ZNF518A: variants seen among roughly 807,000 people sequenced by gnomAD.
The protein encoded by ZNF518A is zinc finger protein 518A.
In ZNF518A, 47 loss-of-function variants were observed where a neutral mutation model predicts 102.7. The ratio of observed to expected loss-of-function variants is 0.46; its 90% CI spans 0.36 to 0.58. The LOEUF (loss-of-function observed/expected upper bound fraction) is 0.58. Ranked by LOEUF, ZNF518A falls within the 20% of genes least tolerant of loss-of-function variation. The probability of loss-of-function intolerance (pLI) is 0.00; values close to 1 mark genes in which losing one functional copy is unlikely to be tolerated. For synonymous variants in ZNF518A, 652 were observed against 594.6 expected (o/e 1.10, Z -1.40); for missense variants, 1,793 against 1,699.8 (o/e 1.05, Z -0.96).
chr10:96,178,648 A>G (rs1190318161), intron 1 of ZNF518A, among the ~76,000 whole-genome samples: 2 of 152,062 alleles, frequency 1.3e-5, no homozygotes. Context: ...AATAGGGAAA[A>G]TTAATGAAAT....
At chr10:96,155,282 T>G (rs1554881808) in intron 3 of ZNF518A, 44 bp from the exon 4 acceptor site, 1 of 152,178 alleles carries the variant, frequency 6.6e-6, no homozygotes, top group African/African-American at 2.4e-5. Context: ...AACAACCTTG[T>G]GAAAGACATA....
chr10:96,142,945 T>C (rs782241366), intron 3 of ZNF518A, among the ~76,000 whole-genome samples: 1 of 152,106 alleles, frequency 6.6e-6, no homozygotes, highest in Non-Finnish European at 1.5e-5. Context: ...TAGCTGGGAT[T>C]ACAGGCACCC....
At chr10:96,188,074 T>C (rs915328765) in intron 1 of ZNF518A, among the ~76,000 whole-genome samples, 32 of 152,178 alleles carry the variant, frequency 2.1e-4, no homozygotes, top group Admixed American at 2.1e-3. Context: ...GGTCTTGAAC[T>C]CCTGGCCTCA....
At chr10:96,199,912 T>C in intron 1 of ZNF518A, 1 of 358,736 alleles carries the variant, frequency 2.8e-6, no homozygotes, top group Non-Finnish European at 4.8e-6. Context: ...TAATCCCAGC[T>C]GCTTGGGAGG....
chr10:96,187,477 T>C (rs1304647242), intron 1 of ZNF518A, among the ~76,000 whole-genome samples: 1 of 152,236 alleles, frequency 6.6e-6, no homozygotes, highest in Non-Finnish European at 1.5e-5. Context: ...GACTTTCTTT[T>C]AGGCAAGACT....
At chr10:96,152,006 A>G (rs938007747) in intron 3 of ZNF518A, among the ~76,000 whole-genome samples, 1 of 152,254 alleles carries the variant, frequency 6.6e-6, no homozygotes, top group African/African-American at 2.4e-5. Flanking sequence ...TAGTTTAAAT[A>G]GCACATTTAA....
chr10:96,144,342 A>G (rs1219766943), intron 3 of ZNF518A, among the ~76,000 whole-genome samples: 1 of 152,184 alleles, frequency 6.6e-6, no homozygotes, highest in Admixed American at 6.5e-5. Flanking sequence ...TACTGTTCCA[A>G]GTCAATTCAG....
intron 1 of ZNF518A, among the ~76,000 whole-genome samples, chr10:96,181,974 G>A (rs1432607256): frequency 1.3e-5 from 2 of 152,184 alleles, no homozygotes; most frequent in Non-Finnish European, 2.9e-5. Flanking sequence ...TGTGAGCATG[G>A]AATGTTCTTC....
At position 96,157,325 on chromosome 10, in the gene ZNF518A, A is replaced by G. The variant is rs782637457; in HGVS notation, c.1003A>G (p.Ser335Gly). ...GTTCTGGAAACGTAAGAAAATTAACAGTGGAAGTGACAGAAGTATAGAAAA... is the reference window on the plus strand; with the variant it reads ...GTTCTGGAAACGTAAGAAAATTAACGGTGGAAGTGACAGAAGTATAGAAAA... ...KTFWKRKKIN[S>G]GSDRSIEKNT... The change falls in exon 6 of 6, where the codon AGT becomes GGT. Residue 335 changes from serine to glycine, a missense_variant. By Grantham distance (56) the Ser-to-Gly change is moderately conservative. Around this residue, in one of 3 missense-constraint regions of ZNF518A, gnomAD observed 1,741 missense variants for 1,622.6 expected, o/e 1.07. Coordinates refer to ENST00000316045, the MANE Select transcript of ZNF518A (RefSeq NM_001330736.2). 2.5e-6 allele frequency: 4 copies of G among 1,611,634 alleles called. No individual in the cohort carries two copies. Among genetic ancestry groups the G allele is most frequent in the East Asian group, 4.5e-5 (2 of 44,848 alleles).
intron 1 of ZNF518A, among the ~76,000 whole-genome samples, chr10:96,193,758 A>G (rs2083387876): frequency 6.6e-6 from 1 of 152,210 alleles, no homozygotes; most frequent in Non-Finnish European, 1.5e-5. Flanking sequence ...TGTATCACAC[A>G]GTGCCAAAAT....
rs782472180 is a variant in ZNF518A at position 96,159,722 on chromosome 10, A to G, written c.3400A>G (p.Lys1134Glu). 4 of 1,613,154 alleles carry G rather than the reference A, an allele frequency of 2.5e-6. No homozygotes were observed. In the African/African-American group the frequency reaches 4.0e-5, roughly 16 times the overall value. ...QNSTYQNIQP[K>E]KPEGTPQRIL... ...TAGTACTTATCAAAATATACAGCCA[A>G]AGAAACCTGAAGGAACACCACAAAG... is the stretch of plus-strand genomic sequence containing the variant. Residue 1134 changes from lysine (K) to glutamate (E), a missense_variant, in exon 6 of 6, where the codon AAG becomes GAG. By Grantham distance (56) the Lys-to-Glu change is moderately conservative (BLOSUM62 1). Transcript: ENST00000316045.
At chr10:96,175,092 G>T (rs2083195416) in intron 1 of ZNF518A, among the ~76,000 whole-genome samples, 1 of 152,098 alleles carries the variant, frequency 6.6e-6, no homozygotes. Context: ...ATAACTGTGG[G>T]AAATAAATGC....
chr10:96,179,724 GA>G (rs1179773834), intron 1 of ZNF518A, among the ~76,000 whole-genome samples: 1 of 151,882 alleles, frequency 6.6e-6, no homozygotes, highest in Non-Finnish European at 1.5e-5. Flanking sequence ...CTGGTTGAAT[GA>G]AAAAATAACA....
intron 1 of ZNF518A, among the ~76,000 whole-genome samples, chr10:96,177,840 G>A (rs10786267): frequency 0.72 from 109,559 of 151,912 alleles, 40,591 homozygotes; most frequent in East Asian, 0.86. Context: ...TTGTCAGGAT[G>A]AAAAAATGTA....
Position 96,157,958 on chromosome 10 carries a change from T to A in ZNF518A, c.1636T>A (p.Tyr546Asn). Residue 546 changes from tyrosine to asparagine, a missense_variant, in exon 6 of 6, where the codon TAT becomes AAT. Tyr to Asn is a moderately radical substitution (Grantham distance 143, BLOSUM62 -2). This residue lies in a region of ZNF518A where 1,741 missense variants were observed against 1,622.6 expected (regional missense o/e 1.07). Transcript: ENST00000316045. ...GAATAATATGCTTCAAACAATGGAT[T>A]ATGAGAAAAGTGTATCTTCTTTGTC... is the stretch of plus-strand genomic sequence containing the variant. ...QRNNMLQTMD[Y>N]EKSVSSLSAT... is the part of the protein sequence containing the mutation. 6.2e-7 allele frequency: 1 copy of A among 1,613,822 alleles called. No homozygotes were observed. Among genetic ancestry groups the A allele is most frequent in the South Asian group, 1.1e-5 (1 of 91,060 alleles).
chr10:96,202,337 G>A (rs1468816326), intron 1 of ZNF518A, among the ~76,000 whole-genome samples: 1 of 152,144 alleles, frequency 6.6e-6, no homozygotes, highest in African/African-American at 2.4e-5. Context: ...AGGCCAGTTC[G>A]GTGTTCTTGC....
At chr10:96,178,472 T>A (rs2083218701) in intron 1 of ZNF518A, among the ~76,000 whole-genome samples, 1 of 152,088 alleles carries the variant, frequency 6.6e-6, no homozygotes, top group Admixed American at 6.5e-5. Flanking sequence ...AGGGACATTT[T>A]AAACTTCAGA....
rs71034364 is a variant in ZNF518A at position 96,194,768 on chromosome 10, A to ATTTTTTTTTTTT, written n.36-8797_36-8786dup. ...ATCACTAATCATCAGAGAAATGCAAATTTTTTTTTTTTTTTTTTTTGAGAC... is the reference window on the plus strand; with the variant it reads ...ATCACTAATCATCAGAGAAATGCAAATTTTTTTTTTTTTTTTTTTTTTTTTTTTTTTTGAGAC... On this transcript the variant is annotated intron_variant and non_coding_transcript_variant, in intron 1 of 2. Coordinates refer to the ZNF518A transcript ENST00000442635. 5.8e-4 allele frequency among the ~76,000 whole-genome samples: 64 copies of ATTTTTTTTTTTT among 110,272 alleles called. 1 individual carries two copies. Among genetic ancestry groups the ATTTTTTTTTTTT allele is most frequent in the African/African-American group, 1.7e-3 (53 of 31,320 alleles). The allele number at this position is 110,272 out of a possible 152,430, so 72.3% of individuals were successfully genotyped here. A position where few individuals can be genotyped will look rare whatever the true frequency, so the allele number is the denominator to read the frequency against.
At chr10:96,192,171 T>C in intron 1 of ZNF518A, 3 of 1,577,962 alleles carry the variant, frequency 1.9e-6, no homozygotes, top group South Asian at 2.2e-5. Context: ...TCTTCTCTCA[T>C]TCTCAAGTTA....
Sources: gnomAD v4.1 joint callset for allele counts (sites outside exome capture counted in the v4.1 genomes callset) on GRCh38, gnomAD v4.1.1 for gene constraint, gnomAD v4.1.1 regional missense constraint, MANE v1.5 for transcripts, NCBI Gene and HGNC (gene_info 2026-07-23, HGNC 2026-07-21) for gene names.